GLYR1: variants seen among roughly 807,000 people sequenced by gnomAD.
GLYR1 encodes the protein glyoxylate reductase 1 homolog.
In GLYR1, 21 loss-of-function variants were observed where a neutral mutation model predicts 72.7. The ratio of observed to expected loss-of-function variants is 0.29; its 90% CI spans 0.20 to 0.42. The LOEUF (loss-of-function observed/expected upper bound fraction) is 0.42. GLYR1 is among the 10% of genes least tolerant of loss of function. The probability of loss-of-function intolerance (pLI) is 1.00; values close to 1 mark genes in which losing one functional copy is unlikely to be tolerated. For missense variants in GLYR1, 594 were observed against 712.1 expected (o/e 0.83, Z 1.89); for synonymous variants, 392 against 270.2 (o/e 1.45, Z -4.42).
At chr16:4,822,382 C>T (rs1015563845) in intron 7 of GLYR1, among the ~76,000 whole-genome samples, 3 of 152,060 alleles carry the variant, frequency 2.0e-5, no homozygotes, top group Non-Finnish European at 2.9e-5. Context: ...CCACCATGCC[C>T]GGCCTTTGGG....
At chr16:4,817,995 T>A in intron 9 of GLYR1, 1 of 284,280 alleles carries the variant, frequency 3.5e-6, no homozygotes, top group Non-Finnish European at 6.5e-6. Context: ...AAAGTCCCCT[T>A]GCTGCCCTTT....
intron 9 of GLYR1, among the ~76,000 whole-genome samples, chr16:4,819,109 A>C (rs971366030): frequency 6.6e-6 from 1 of 152,222 alleles, no homozygotes; most frequent in African/African-American, 2.4e-5. Flanking sequence ...CAATGGTGCA[A>C]AAGAATGCCT....
At chr16:4,838,644 T>C (rs1336841905) in intron 3 of GLYR1, among the ~76,000 whole-genome samples, 14 of 151,972 alleles carry the variant, frequency 9.2e-5, no homozygotes, top group Admixed American at 7.9e-4. Context: ...TGGAGTGCAG[T>C]GGCGCGATCT....
intron 3 of GLYR1, among the ~76,000 whole-genome samples, chr16:4,835,235 G>T (rs149289139): frequency 3.3e-5 from 5 of 152,052 alleles, no homozygotes; most frequent in Admixed American, 3.3e-4. Context: ...ACAGGAACCC[G>T]ATTCTGAGGG....
In GLYR1 at chr16:4,824,761, C is replaced by T. The variant is rs527676209; in HGVS notation, c.538-854G>A. Reference sequence around the variant, plus strand: ...CTCACCTTCTTCCTGGGCAAAGGGTCCTCTTTCCAGTTTTAACACTGGTCT... The same window carrying T: ...CTCACCTTCTTCCTGGGCAAAGGGTTCTCTTTCCAGTTTTAACACTGGTCT... On this transcript the variant is annotated intron_variant, in intron 5 of 15. Coordinates refer to ENST00000321919, the MANE Select transcript of GLYR1 (RefSeq NM_032569.4). Among the ~76,000 whole-genome samples, 3 of 152,220 alleles carry T rather than the reference C, an allele frequency of 2.0e-5. No individual in the cohort carries two copies. In the East Asian group the frequency reaches 5.8e-4, roughly 29 times the overall value.
intron 5 of GLYR1, among the ~76,000 whole-genome samples, chr16:4,827,596 C>A (rs1032851672): frequency 2.2e-4 from 31 of 138,206 alleles, no homozygotes; most frequent in Non-Finnish European, 4.3e-4. Flanking sequence ...AAAAAACAAA[C>A]AAACAAACAA....
At chr16:4,818,896 C>T (rs902062043) in intron 9 of GLYR1, among the ~76,000 whole-genome samples, 1 of 152,142 alleles carries the variant, frequency 6.6e-6, no homozygotes. Context: ...TCCACAGGTC[C>T]TTCCCAATCC....
chr16:4,844,128 A>C (rs2085769267), intron 3 of GLYR1, among the ~76,000 whole-genome samples: 1 of 151,802 alleles, frequency 6.6e-6, no homozygotes, highest in African/African-American at 2.4e-5. Flanking sequence ...AAAAAAAAAA[A>C]AAAAAATCAA....
intron 2 of GLYR1, 72 bp downstream of exon 2, chr16:4,846,102 G>C (rs2086023102): frequency 6.7e-7 from 1 of 1,490,958 alleles, no homozygotes; most frequent in Admixed American, 1.7e-5. Flanking sequence ...GAAACTGAGA[G>C]GAATGCATCT....
At chr16:4,805,522 C>T (rs116297781) in intron 15 of GLYR1, among the ~76,000 whole-genome samples, 170 of 152,296 alleles carry the variant, frequency 1.1e-3, no homozygotes, top group African/African-American at 3.8e-3. Context: ...GAACAGTACC[C>T]GGGGGATCTT....
At chr16:4,810,491 CAG>C (rs1289273297) in intron 15 of GLYR1, among the ~76,000 whole-genome samples, 2 of 150,984 alleles carry the variant, frequency 1.3e-5, no homozygotes, top group South Asian at 2.1e-4. Context: ...GCCTGGGCGA[CAG>C]AGTGAGACTC....
At chr16:4,825,351 C>A (rs555018671) in intron 5 of GLYR1, among the ~76,000 whole-genome samples, 3 of 152,310 alleles carry the variant, frequency 2.0e-5, no homozygotes, top group South Asian at 4.1e-4. Context: ...GGCTTTCCCC[C>A]CCGCACCAAA....
At chr16:4,828,879 C>T (rs1159832480) in intron 5 of GLYR1, among the ~76,000 whole-genome samples, 2 of 152,024 alleles carry the variant, frequency 1.3e-5, no homozygotes, top group East Asian at 1.9e-4. Context: ...CTTTATCCAA[C>T]GAGAAGGTAT....
chr16:4,838,477 C>T (rs2085309962), intron 3 of GLYR1, among the ~76,000 whole-genome samples: 1 of 152,220 alleles, frequency 6.6e-6, no homozygotes, highest in African/African-American at 2.4e-5. Context: ...AGCTTCTCCA[C>T]TGTTTGTCCA....
chr16:4,821,196 A>G lies in GLYR1; in HGVS notation c.806+184T>C, dbSNP rs188376299. Reference sequence around the variant, plus strand: ...TCAGCTTATGCCCAAGGGAGACCCGACCACAGATTTACACAGCTTTTGACT... The same window carrying G: ...TCAGCTTATGCCCAAGGGAGACCCGGCCACAGATTTACACAGCTTTTGACT... On this transcript the variant is annotated intron_variant, in intron 9 of 15. Transcript: ENST00000321919. 3 of 652,596 alleles carry G rather than the reference A, an allele frequency of 4.6e-6. No individual in the cohort carries two copies. The East Asian group carries it at 8.2e-5, about 18-fold the overall frequency. 40.4% of individuals were successfully genotyped at this position (652,596 alleles called of 1,614,324 possible).
intron 3 of GLYR1, among the ~76,000 whole-genome samples, chr16:4,837,431 TAAA>T (rs879788109): frequency 7.1e-6 from 1 of 139,880 alleles, no homozygotes; most frequent in South Asian, 2.3e-4. Flanking sequence ...ACTTGGTCTT[TAAA>T]AAAAAAAAAA....
At chr16:4,817,150 T>C (rs906672507) in intron 10 of GLYR1, among the ~76,000 whole-genome samples, 7 of 151,302 alleles carry the variant, frequency 4.6e-5, no homozygotes, top group Admixed American at 1.3e-4. Flanking sequence ...GACGGAGTCT[T>C]GCTCTGTCGC....
chr16:4,811,617 A>G lies in GLYR1; in HGVS notation c.1462+6T>C, dbSNP rs1399178316. On this transcript the variant is annotated splice_donor_region_variant and intron_variant, in intron 14 of 15. Coordinates refer to ENST00000321919, the MANE Select transcript of GLYR1 (RefSeq NM_032569.4). ...AATGCAAGAAGAGGGGCCAAAAACA[A>G]CTCACTTTGGCACTTCTGGTCCAGG... 8.1e-6 allele frequency: 13 copies of G among 1,613,380 alleles called. No homozygotes were observed. Among genetic ancestry groups the G allele is most frequent in the East Asian group, 4.5e-5 (2 of 44,872 alleles).
chr16:4,840,396 T>C (rs1313143988), intron 3 of GLYR1: 2 of 152,240 alleles, frequency 1.3e-5, no homozygotes. Flanking sequence ...AGAGTATTCC[T>C]GATGAGGCGC....
Sources: gnomAD v4.1 joint callset for allele counts (sites outside exome capture counted in the v4.1 genomes callset) on GRCh38, gnomAD v4.1.1 for gene constraint, MANE v1.5 for transcripts, NCBI Gene and HGNC (gene_info 2026-07-23, HGNC 2026-07-21) for gene names.